MIA2: variants seen among roughly 807,000 people sequenced by gnomAD.
MIA2 encodes melanoma inhibitory activity protein 2.
In MIA2, 127 loss-of-function variants were observed where a neutral mutation model predicts 167.8. That is an observed-to-expected ratio of 0.76 (90% CI 0.66 to 0.88). The LOEUF (loss-of-function observed/expected upper bound fraction) is 0.88. Ranked by LOEUF, MIA2 falls within the 40% of genes least tolerant of loss-of-function variation. The pLI, the probability that MIA2 is intolerant of heterozygous loss-of-function variation, is 0.00. For missense variants in MIA2, 1,690 were observed against 1,624.7 expected (o/e 1.04, Z -0.69); for synonymous variants, 552 against 541.9 (o/e 1.02, Z -0.26).
Position 39,292,507 on chromosome 14 carries a change from C to T in MIA2, c.2209-764C>T, listed in dbSNP as rs183216922. Among the ~76,000 whole-genome samples, 47 of 151,996 alleles carry T rather than the reference C, an allele frequency of 3.1e-4. No homozygotes were observed. In the East Asian group the frequency reaches 3.5e-3, roughly 11 times the overall value. On this transcript the variant is annotated intron_variant, in intron 10 of 28. Coordinates refer to ENST00000640607, the MANE Select transcript of MIA2 (RefSeq NM_001329214.4). Reference sequence around the variant, plus strand: ...GCTGAATCTGTAGATAAAATCAAACCAGTAGAGTAATTTTCATTCGGGTCA... The same window carrying T: ...GCTGAATCTGTAGATAAAATCAAACTAGTAGAGTAATTTTCATTCGGGTCA...
intron 9 of MIA2, among the ~76,000 whole-genome samples, chr14:39,288,483 T>TTG (rs1460590563): frequency 6.5e-5 from 5 of 76,556 alleles, no homozygotes; most frequent in African/African-American, 1.3e-4. Context: ...ATATTTTTTT[T>TTG]TTTTTTTTTG....
At chr14:39,303,665 A>T in intron 16 of MIA2, 141 bp downstream of exon 16, 1 of 565,948 alleles carries the variant, frequency 1.8e-6, no homozygotes, top group Non-Finnish European at 3.0e-6. Context: ...TTCATCATCA[A>T]TTGCTTTTTC....
intron 24 of MIA2, among the ~76,000 whole-genome samples, chr14:39,321,514 C>CA (rs1420024141): frequency 7.9e-5 from 12 of 151,734 alleles, no homozygotes; most frequent in African/African-American, 2.7e-4. Flanking sequence ...GACGGGGTTT[C>CA]ACCATGTTAG....
At chr14:39,265,902 GA>G in intron 6 of MIA2, 2 of 845,560 alleles carry the variant, frequency 2.4e-6, no homozygotes, top group Non-Finnish European at 2.8e-6. Context: ...TAACAATGGA[GA>G]ATTACTAAGC....
chr14:39,267,142 C>T (rs1045078174), intron 6 of MIA2: 2 of 1,153,912 alleles, frequency 1.7e-6, no homozygotes, highest in African/African-American at 1.6e-5. Flanking sequence ...CGCCTTCTCG[C>T]GGCTGCCCGG....
intron 3 of MIA2, among the ~76,000 whole-genome samples, chr14:39,242,323 C>A (rs1286068659): frequency 9.4e-6 from 1 of 106,814 alleles, no homozygotes; most frequent in Non-Finnish European, 1.8e-5. Context: ...GTACTTATTG[C>A]ATTTTTTTTT....
intron 28 of MIA2, 143 bp downstream of exon 28, chr14:39,349,120 T>C (rs1595906609): frequency 8.9e-7 from 1 of 1,124,574 alleles, no homozygotes; most frequent in Non-Finnish European, 1.2e-6. Flanking sequence ...TCATTACTTT[T>C]CCGAATTGGG....
chr14:39,350,166 C>T lies in MIA2; in HGVS notation c.4141C>T (p.Pro1381Ser), dbSNP rs772977286. 4 of 1,419,450 alleles carry T rather than the reference C, an allele frequency of 2.8e-6. No homozygotes were observed. Among genetic ancestry groups the T allele is most frequent in the South Asian group, 2.5e-5 (2 of 78,712 alleles). The allele number at this position is 1,419,450 out of a possible 1,614,324, so 87.9% of individuals were successfully genotyped here. A position where few individuals can be genotyped will look rare whatever the true frequency, so the allele number is the denominator to read the frequency against. Residue 1381 changes from proline to serine, a missense_variant, in exon 29 of 29, where the codon CCC becomes TCC. Physicochemically the swap from Pro to Ser is moderately conservative, Grantham distance 74. Transcript: ENST00000640607. Reference protein sequence around the residue: ...LPPRPGFFPPPPHSEGRSEFP... With the variant: ...LPPRPGFFPPSPHSEGRSEFP... Reference sequence around the variant, plus strand: ...CCCAAGACCTGGATTTTTCCCCCCACCCCCACATTCTGAAGGTAGAAGTGA... The same window carrying T: ...CCCAAGACCTGGATTTTTCCCCCCATCCCCACATTCTGAAGGTAGAAGTGA...
At chr14:39,381,464 AG>A (rs2075159803) in intron 23 of MIA2, among the ~76,000 whole-genome samples, 1 of 152,252 alleles carries the variant, frequency 6.6e-6, no homozygotes, top group South Asian at 2.1e-4. Flanking sequence ...ATATTTAAAA[AG>A]TAACATAAAT....
At chr14:39,385,790 G>T (rs2075263767) in intron 23 of MIA2, 3 of 874,828 alleles carry the variant, frequency 3.4e-6, no homozygotes, top group Admixed American at 1.7e-5. Flanking sequence ...AATTGCTGTT[G>T]CCTCTGGTTC....
chr14:39,293,123 C>T (rs963196682), intron 10 of MIA2, 148 bp from the exon 11 acceptor site: 1 of 640,104 alleles, frequency 1.6e-6, no homozygotes, highest in East Asian at 2.9e-5. Flanking sequence ...ACCACTGCTA[C>T]AATTGCTGTT....
intron 6 of MIA2, among the ~76,000 whole-genome samples, chr14:39,257,473 G>A (rs2054872484): frequency 6.6e-6 from 1 of 151,728 alleles, no homozygotes; most frequent in South Asian, 2.1e-4. Flanking sequence ...GAGCCTATGT[G>A]TGTCTTTGCA....
At chr14:39,241,597 G>C (rs915279596) in intron 3 of MIA2, among the ~76,000 whole-genome samples, 2 of 152,164 alleles carry the variant, frequency 1.3e-5, no homozygotes, top group East Asian at 3.8e-4. Context: ...TGGGACTACA[G>C]GTGTGCCAAC....
intron 23 of MIA2, among the ~76,000 whole-genome samples, chr14:39,361,439 T>G (rs1299745711): frequency 2.8e-4 from 18 of 63,462 alleles, no homozygotes; most frequent in African/African-American, 2.5e-3. Context: ...GGTGTGTGGT[T>G]TTTTTTTTTT....
intron 27 of MIA2, among the ~76,000 whole-genome samples, chr14:39,348,266 A>T (rs2073852508): frequency 6.6e-6 from 1 of 152,210 alleles, no homozygotes; most frequent in Non-Finnish European, 1.5e-5. Context: ...TGTAGATGGT[A>T]ACCTATGGTG....
chr14:39,351,997 T>A (rs200816949), downstream of MIA2, among the ~76,000 whole-genome samples: 1 of 71,936 alleles, frequency 1.4e-5, no homozygotes, highest in African/African-American at 6.7e-5. Context: ...AAATGACCGA[T>A]TTTTTTTTTA....
intron 25 of MIA2, among the ~76,000 whole-genome samples, chr14:39,337,147 G>C (rs973339148): frequency 2.6e-5 from 4 of 152,110 alleles, no homozygotes; most frequent in Admixed American, 2.0e-4. Context: ...AAACTCATTC[G>C]AATATAATAG....
chr14:39,263,881 GC>G (rs2055276936), intron 6 of MIA2, among the ~76,000 whole-genome samples: 1 of 151,966 alleles, frequency 6.6e-6, no homozygotes, highest in Admixed American at 6.6e-5. Flanking sequence ...TGATTCGCCC[GC>G]CTTGGCCTCC....
rs773164566 is a variant in MIA2, at chr14:39,348,814, T to A, written c.3909T>A (p.Pro1303=). Residue 1303 remains proline (P), a synonymous_variant, in exon 28 of 29, where the codon CCT becomes CCA. Coordinates refer to ENST00000640607, the MANE Select transcript of MIA2 (RefSeq NM_001329214.4). ...CTGGCCCTGGCTTTGTTCCTCCACC[T>A]CTTGCTCCAATCAGAGGTCCATTGT... ...EATGPGFVPP[P]LAPIRGPLFP... 7 of 1,613,874 alleles carry A rather than the reference T, an allele frequency of 4.3e-6. No individual in the cohort carries two copies. The East Asian group carries it at 1.6e-4, about 36-fold the overall frequency.
Sources: allele counts gnomAD v4.1 joint callset (sites outside exome capture counted in the v4.1 genomes callset), GRCh38; gene constraint gnomAD v4.1.1; transcripts MANE v1.5; gene names NCBI Gene and HGNC (gene_info 2026-07-23, HGNC 2026-07-21).